Variants in WDR89 observed in about 807,000 individuals in gnomAD.
The protein encoded by WDR89 is WD repeat-containing protein 89.
In WDR89, 17 loss-of-function variants were observed where a neutral mutation model predicts 29.1. The ratio of observed to expected loss-of-function variants is 0.58; its 90% CI spans 0.40 to 0.88. The LOEUF is 0.88. WDR89 is among the 40% of genes least tolerant of loss of function. The probability of loss-of-function intolerance (pLI) is 0.00; values close to 1 mark genes in which losing one functional copy is unlikely to be tolerated. For synonymous variants in WDR89, 138 were observed against 157.8 expected, an observed-to-expected ratio of 0.87 and a Z score of 0.94; for missense variants, 396 against 456.3, an observed-to-expected ratio of 0.87 and a Z score of 1.20.
rs536790933 is a variant in WDR89 at position 63,598,453 on chromosome 14, A to G, written c.*326T>C. 10 of 184,068 alleles carry G rather than the reference A, an allele frequency of 5.4e-5. No homozygotes were observed. Among genetic ancestry groups the G allele is most frequent in the Non-Finnish European group, 1.0e-4 (9 of 89,848 alleles). The allele number at this position is 184,068 out of a possible 1,614,324, so 11.4% of individuals were successfully genotyped here. Reference sequence around the variant, plus strand: ...CTGGGCTTAAAAAATGCAGCCAACCACCTGTTTTATTAAGTTTTACCAAGT... The same window carrying G: ...CTGGGCTTAAAAAATGCAGCCAACCGCCTGTTTTATTAAGTTTTACCAAGT... On this transcript the variant is annotated 3_prime_UTR_variant, in exon 3 of 3. Transcript: ENST00000620954.
intron 1 of WDR89, among the ~76,000 whole-genome samples, chr14:63,631,843 G>A (rs1883424154): frequency 6.6e-6 from 1 of 152,176 alleles, no homozygotes; most frequent in Admixed American, 6.6e-5. Flanking sequence ...CAGGTGCGGT[G>A]GTTCACGCCT....
At position 63,636,983 on chromosome 14, in the gene WDR89, C is replaced by T. The variant is rs1202037805; in HGVS notation, c.-138+4821G>A. On this transcript the variant is annotated intron_variant, in intron 1 of 2. Coordinates refer to ENST00000620954, the MANE Select transcript of WDR89 (RefSeq NM_080666.4). ...TGTCAACAGAGTCAATAGACAACAA[C>T]AGAGTGGGAGAAAATCTTCACAATC... 2.0e-5 allele frequency among the ~76,000 whole-genome samples: 3 copies of T among 152,204 alleles called. No individual in the cohort carries two copies. The South Asian group carries it at 6.2e-4, about 32-fold the overall frequency.
At chr14:63,636,945 C>G (rs1041226603) in intron 1 of WDR89, among the ~76,000 whole-genome samples, 4 of 152,078 alleles carry the variant, frequency 2.6e-5, no homozygotes, top group Non-Finnish European at 4.4e-5. Context: ...AGCTTTTGCA[C>G]AGCAAAAGGA....
intron 2 of WDR89, among the ~76,000 whole-genome samples, chr14:63,612,583 CA>C (rs1657803374): frequency 6.6e-6 from 1 of 152,092 alleles, no homozygotes; most frequent in African/African-American, 2.4e-5. Context: ...CCATGTTGGC[CA>C]GGCTAGTCTC....
intron 2 of WDR89, among the ~76,000 whole-genome samples, chr14:63,620,013 A>AAAG (rs1555374901): frequency 6.6e-6 from 1 of 151,664 alleles, no homozygotes; most frequent in African/African-American, 2.4e-5. Context: ...TCAAAAAAAA[A>AAAG]AAAAAAAAAA....
intron 2 of WDR89, among the ~76,000 whole-genome samples, chr14:63,622,543 T>C (rs983621259): frequency 6.6e-6 from 1 of 151,864 alleles, no homozygotes; most frequent in Non-Finnish European, 1.5e-5. Context: ...ACCATGCCAT[T>C]GCACTCCAGC....
chr14:63,624,484 A>C (rs1268373525), intron 2 of WDR89, among the ~76,000 whole-genome samples: 1 of 149,806 alleles, frequency 6.7e-6, no homozygotes, highest in Non-Finnish European at 1.5e-5. Flanking sequence ...AAAAACCACA[A>C]CAAAACAAAA....
Position 63,599,066 on chromosome 14 carries a change from C to A in WDR89, c.877G>T (p.Gly293Ter), listed in dbSNP as rs1566787525. Residue 293 changes from glycine to a stop codon, truncating the protein, a stop_gained, in exon 3 of 3, where the codon GGA becomes TGA. Coordinates refer to ENST00000620954, the MANE Select transcript of WDR89 (RefSeq NM_080666.4). LOFTEE classifies it high-confidence loss of function. ...TGAATCCTTCCTTTGTTTGTTCCTC[C>A]AATAACATGCAATGTGTCTGTCTTT... ...HEKTDTLHVI[G>*]GTNKGRIHLM... 6.2e-7 allele frequency: 1 copy of A among 1,614,160 alleles called. No individual in the cohort carries two copies. The highest frequency in any genetic ancestry group is 2.2e-5 in the East Asian group (1 of 44,882).
Position 63,639,855 on chromosome 14 carries a change from G to T in WDR89, c.-138+1949C>A, listed in dbSNP as rs55986219. 3.9e-5 allele frequency among the ~76,000 whole-genome samples: 6 copies of T among 152,230 alleles called. No individual in the cohort carries two copies. The South Asian group carries it at 1.0e-3, about 26-fold the overall frequency. ...CTTCACGGGTTTGGCACAGTGGCTCGTGTGTAATCCCTGCCACTTGGGAGG... is the reference window on the plus strand; with the variant it reads ...CTTCACGGGTTTGGCACAGTGGCTCTTGTGTAATCCCTGCCACTTGGGAGG... On this transcript the variant is annotated intron_variant, in intron 1 of 2. Transcript: ENST00000620954.
chr14:63,614,670 C>A (rs1345160016), intron 2 of WDR89, among the ~76,000 whole-genome samples: 2 of 152,144 alleles, frequency 1.3e-5, no homozygotes, highest in South Asian at 2.1e-4. Context: ...TCAGGAGAAT[C>A]GTTTCCAGAA....
rs1566787366 is a variant in WDR89, at chr14:63,598,860, C to G, written c.1083G>C (p.Glu361Asp). The change falls in exon 3 of 3, where the codon GAG becomes GAC. Residue 361 changes from glutamate (E) to aspartate (D), a missense_variant. Transcript: ENST00000620954. Reference protein sequence around the residue: ...GAIEKTFTKKESMKIASSVHQ... With the variant: ...GAIEKTFTKKDSMKIASSVHQ... ...GCACAGAGGATGCTATTTTCATACT[C>G]TCTTTCTTTGTAAAGGTCTTCTCTA... 3 of 1,614,134 alleles carry G rather than the reference C, an allele frequency of 1.9e-6. No homozygotes were observed. Among genetic ancestry groups the G allele is most frequent in the African/African-American group, 1.3e-5 (1 of 75,052 alleles).
In WDR89 at chr14:63,599,069, T is replaced by A. The variant is rs1894920593; in HGVS notation, c.874A>T (p.Ile292Phe). 2.5e-6 allele frequency: 4 copies of A among 1,614,102 alleles called. No homozygotes were observed. The African/African-American group carries it at 5.3e-5, about 22-fold the overall frequency. ...ATCCTTCCTTTGTTTGTTCCTCCAA[T>A]AACATGCAATGTGTCTGTCTTTTCA... ...YHEKTDTLHV[I>F]GGTNKGRIHL... Residue 292 changes from isoleucine to phenylalanine, a missense_variant, in exon 3 of 3, where the codon ATT becomes TTT. Transcript: ENST00000620954.
chr14:63,607,323 C>T (rs1383682018), intron 2 of WDR89, among the ~76,000 whole-genome samples: 9 of 151,960 alleles, frequency 5.9e-5, no homozygotes, highest in Admixed American at 3.9e-4. Context: ...CCACCATGCC[C>T]GGCTAATTGT....
chr14:63,605,211 T>TACACACACACACACACAC (rs200461481), intron 2 of WDR89, among the ~76,000 whole-genome samples: 34 of 102,546 alleles, frequency 3.3e-4, no homozygotes, highest in African/African-American at 8.4e-4. Flanking sequence ...TACATACACA[T>TACACACACACACACACAC]ACACACACAC....
intron 1 of WDR89, among the ~76,000 whole-genome samples, chr14:63,630,449 C>T (rs1031456687): frequency 6.6e-6 from 1 of 151,420 alleles, no homozygotes; most frequent in African/African-American, 2.4e-5. Context: ...TCGAGACCAG[C>T]CTGGCCAACA....
At chr14:63,610,227 A>G (rs1881870772) in intron 2 of WDR89, among the ~76,000 whole-genome samples, 1 of 150,856 alleles carries the variant, frequency 6.6e-6, no homozygotes, top group Non-Finnish European at 1.5e-5. Context: ...CTTAAAAAAA[A>G]AAAAAAAAAA....
At chr14:63,603,099 T>A (rs1595016199) in intron 2 of WDR89, among the ~76,000 whole-genome samples, 1 of 152,100 alleles carries the variant, frequency 6.6e-6, no homozygotes, top group East Asian at 1.9e-4. Flanking sequence ...CTCCAACTTT[T>A]AATTTTCAAC....
intron 2 of WDR89, among the ~76,000 whole-genome samples, chr14:63,612,857 G>T (rs1304939205): frequency 6.6e-6 from 1 of 152,108 alleles, no homozygotes; most frequent in Non-Finnish European, 1.5e-5. Context: ...ATGTCTCCAG[G>T]CTCAGTTTGG....
chr14:63,606,777 A>G (rs1192913142), intron 2 of WDR89, among the ~76,000 whole-genome samples: 1 of 152,224 alleles, frequency 6.6e-6, no homozygotes, highest in African/African-American at 2.4e-5. Flanking sequence ...AATCCTCATC[A>G]TTTAACCCTA....
Sources: allele counts gnomAD v4.1 joint callset (sites outside exome capture counted in the v4.1 genomes callset), GRCh38; gene constraint gnomAD v4.1.1; transcripts MANE v1.5; gene names NCBI Gene and HGNC (gene_info 2026-07-23, HGNC 2026-07-21).